MRTFA: variants seen among roughly 807,000 people sequenced by gnomAD.
MRTFA encodes the protein myocardin related transcription factor A, also known as myocardin-related transcription factor A.
MRTFA carries 20 observed loss-of-function variants against 83.5 expected under a neutral mutation model. The ratio of observed to expected loss-of-function variants is 0.24; its 90% confidence interval spans 0.17 to 0.35. MRTFA has a LOEUF of 0.35. MRTFA is among the 10% of genes least tolerant of loss of function. MRTFA has a pLI of 1.00. For missense variants in MRTFA, 1,200 were observed against 1,224.7 expected, an observed-to-expected ratio of 0.98 and a Z score of 0.30; for synonymous variants, 659 against 541.2, an observed-to-expected ratio of 1.22 and a Z score of -3.02.
intron 9 of MRTFA, among the ~76,000 whole-genome samples, chr22:40,422,784 G>A (rs2052868784): frequency 1.3e-5 from 2 of 152,248 alleles, no homozygotes; most frequent in Non-Finnish European, 2.9e-5. Flanking sequence ...AGACAGCCCA[G>A]GCTGCAGACT....
At chr22:40,507,153 A>T (rs961744244) in intron 3 of MRTFA, among the ~76,000 whole-genome samples, 2 of 152,158 alleles carry the variant, frequency 1.3e-5, no homozygotes, top group Non-Finnish European at 2.9e-5. Flanking sequence ...TCAGTGCAGG[A>T]ATTTGAGACC....
At chr22:40,442,295 C>T (rs2053291754) in intron 4 of MRTFA, among the ~76,000 whole-genome samples, 1 of 152,190 alleles carries the variant, frequency 6.6e-6, no homozygotes, top group South Asian at 2.1e-4. Flanking sequence ...ACCAACAATT[C>T]TGTAACCAGA....
At chr22:40,426,327 C>T (rs1342591138) in intron 7 of MRTFA, among the ~76,000 whole-genome samples, 1 of 152,128 alleles carries the variant, frequency 6.6e-6, no homozygotes, top group Non-Finnish European at 1.5e-5. Context: ...TGCCCATCCT[C>T]TCATCTCCTT....
rs531448032 is a variant in MRTFA, at chr22:40,418,236, C to G, written c.2364+138G>C. Reference sequence around the variant, plus strand: ...CCCTTAACTTTCCTAAGTCTCAGTACCCCCCTGGTGAAGGAAGATTAAATG... The same window carrying G: ...CCCTTAACTTTCCTAAGTCTCAGTAGCCCCCTGGTGAAGGAAGATTAAATG... On this transcript the variant is annotated intron_variant, in intron 12 of 14. Transcript: ENST00000355630. 2.6e-5 allele frequency: 37 copies of G among 1,442,058 alleles called. 1 individual carries two copies. Among genetic ancestry groups the G allele is most frequent in the South Asian group, 4.3e-5 (3 of 69,060 alleles). The allele number at this position is 1,442,058 out of a possible 1,614,324, so 89.3% of individuals were successfully genotyped here.
chr22:40,421,610 T>C (rs1049428603), intron 9 of MRTFA, among the ~76,000 whole-genome samples: 34 of 152,222 alleles, frequency 2.2e-4, no homozygotes, highest in African/African-American at 7.5e-4. Context: ...ATCTTGTTCT[T>C]GTTCTAACAC....
At chr22:40,558,247 CTTTTTTTTTT>C (rs34991397) in intron 2 of MRTFA, among the ~76,000 whole-genome samples, 11 of 45,520 alleles carry the variant, frequency 2.4e-4, no homozygotes, top group East Asian at 7.0e-4. Context: ...TCATGCCTGG[CTTTTTTTTTT>C]TTTTTTTTTT....
At chr22:40,625,686 C>T (rs1432916091) in intron 1 of MRTFA, among the ~76,000 whole-genome samples, 1 of 151,926 alleles carries the variant, frequency 6.6e-6, no homozygotes, top group East Asian at 1.9e-4. Context: ...GTCTGAGGCA[C>T]AAGAATCGCT....
intron 1 of MRTFA, among the ~76,000 whole-genome samples, chr22:40,627,577 A>G (rs2056596217): frequency 6.6e-6 from 1 of 152,230 alleles, no homozygotes; most frequent in Admixed American, 6.5e-5. Context: ...TATAACTGAC[A>G]TTTTCGCTAA....
chr22:40,443,885 G>A (rs1024325501), intron 4 of MRTFA, among the ~76,000 whole-genome samples: 7 of 152,214 alleles, frequency 4.6e-5, no homozygotes, highest in African/African-American at 1.4e-4. Context: ...GATGATGTCA[G>A]AGGAGGGCTG....
intron 3 of MRTFA, among the ~76,000 whole-genome samples, chr22:40,478,637 G>A (rs1039097167): frequency 4.6e-5 from 7 of 152,008 alleles, no homozygotes; most frequent in Non-Finnish European, 1.0e-4. Context: ...GGCGTGAGAC[G>A]ACGAATCTCA....
chr22:40,462,203 A>G (rs2053727153), intron 4 of MRTFA, among the ~76,000 whole-genome samples: 1 of 152,188 alleles, frequency 6.6e-6, no homozygotes, highest in Non-Finnish European at 1.5e-5. Context: ...ACTGCATTTC[A>G]AGGTGATCCC....
intron 1 of MRTFA, among the ~76,000 whole-genome samples, chr22:40,600,028 G>A (rs975295499): frequency 2.0e-5 from 3 of 150,466 alleles, no homozygotes; most frequent in African/African-American, 7.3e-5. Flanking sequence ...AAAAAGCAGA[G>A]GGAAAATAAC....
chr22:40,484,871 G>C (rs532050746), intron 3 of MRTFA, among the ~76,000 whole-genome samples: 5 of 151,918 alleles, frequency 3.3e-5, no homozygotes, highest in African/African-American at 1.2e-4. Flanking sequence ...AGGAGATCGA[G>C]ACCATCCTGG....
intron 2 of MRTFA, among the ~76,000 whole-genome samples, chr22:40,581,103 T>A (rs1037624379): frequency 2.3e-4 from 35 of 152,244 alleles, no homozygotes; most frequent in African/African-American, 8.4e-4. Flanking sequence ...TGAGCCACCA[T>A]GCCAAGCCAC....
intron 3 of MRTFA, among the ~76,000 whole-genome samples, chr22:40,525,732 G>A (rs1190061222): frequency 1.3e-5 from 2 of 151,992 alleles, no homozygotes; most frequent in African/African-American, 2.4e-5. Flanking sequence ...TACAAGGCAT[G>A]GTCTCAGGAA....
intron 4 of MRTFA, among the ~76,000 whole-genome samples, chr22:40,445,308 G>GA (rs2053355339): frequency 3.9e-5 from 6 of 152,012 alleles, no homozygotes. Flanking sequence ...TTCACTTATG[G>GA]AATCACTTGA....
At chr22:40,541,031 C>T (rs1330990474) in intron 3 of MRTFA, among the ~76,000 whole-genome samples, 1 of 152,016 alleles carries the variant, frequency 6.6e-6, no homozygotes, top group East Asian at 1.9e-4. Flanking sequence ...TATTAGAAAA[C>T]TACATAAAGT....
chr22:40,535,341 G>GTTTT (rs1034892280), intron 3 of MRTFA, among the ~76,000 whole-genome samples: 1 of 97,982 alleles, frequency 1.0e-5, no homozygotes, highest in African/African-American at 4.2e-5. Context: ...TGTGTGAGAG[G>GTTTT]TTTTTTCTTT....
At position 40,624,645 on chromosome 22, in the gene MRTFA, TTCTAAGCTC is replaced by T. The variant is rs1203476124; in HGVS notation, c.-84+11824_-84+11832del. Among the ~76,000 whole-genome samples, 6 of 152,074 alleles carry T rather than the reference TTCTAAGCTC, an allele frequency of 3.9e-5. No homozygotes were observed. In the East Asian group the frequency reaches 9.6e-4, roughly 24 times the overall value. ...TGCTCTAGAAAGCGTTTTCTAAGCT[TTCTAAGCTC>T]ACCTCATGAAAGTGAATTTTGGAAG... On this transcript the variant is annotated intron_variant, in intron 1 of 14. Transcript: ENST00000355630.
Sources: gnomAD v4.1 joint callset for allele counts (sites outside exome capture counted in the v4.1 genomes callset) on GRCh38, gnomAD v4.1.1 for gene constraint, MANE v1.5 for transcripts, NCBI Gene and HGNC (gene_info 2026-07-23, HGNC 2026-07-21) for gene names.